COL28A1: variants seen among roughly 807,000 people sequenced by gnomAD.
COL28A1 encodes collagen type XXVIII alpha 1 chain, also known as collagen alpha-1(XXVIII) chain.
In COL28A1, 161 loss-of-function variants were observed where a neutral mutation model predicts 150.2. That is an observed-to-expected ratio of 1.07 (90% CI 0.94 to 1.22). COL28A1 has a LOEUF of 1.22. COL28A1 is among the 50% of genes most tolerant of loss of function. The pLI is 0.00. For synonymous variants in COL28A1, 552 were observed against 469.7 expected (o/e 1.18, Z -2.26); for missense variants, 1,617 against 1,388.3 (o/e 1.16, Z -2.62).
intron 18 of COL28A1, among the ~76,000 whole-genome samples, chr7:7,444,822 G>A (rs2128323653): frequency 6.6e-6 from 1 of 152,244 alleles, no homozygotes; most frequent in South Asian, 2.1e-4. Flanking sequence ...CAGTATAAAA[G>A]GTGATATAAT....
At chr7:7,523,681 C>G (rs188899192) in intron 4 of COL28A1, among the ~76,000 whole-genome samples, 1 of 152,292 alleles carries the variant, frequency 6.6e-6, no homozygotes, top group East Asian at 1.9e-4. Context: ...CCTCAGCAAG[C>G]TGATGATTAT....
intron 25 of COL28A1, chr7:7,431,216 C>A: frequency 6.3e-6 from 1 of 157,644 alleles, no homozygotes. Flanking sequence ...AAAAATTCTC[C>A]CTTTAGGGTA....
At position 7,360,401 on chromosome 7, in the gene COL28A1, T is replaced by C; in HGVS notation, c.3194A>G (p.Asp1065Gly). The C allele has an allele frequency of 6.3e-7, 1 of 1,582,906 alleles. No homozygotes were observed. Among genetic ancestry groups the C allele is most frequent in the Non-Finnish European group, 8.5e-7 (1 of 1,170,340 alleles). ...TPRPLLSTPV[D>G]GAEDPRCLEA... ...TCTGGTTTACCTACCCTCTGCCCCA[T>C]CCACAGGGGTGCTGAGCAGTGGCCT... Residue 1065 changes from aspartate to glycine, a missense_variant, in exon 34 of 35, where the codon GAT becomes GGT. By Grantham distance (94) the Asp-to-Gly change is moderately conservative. Coordinates refer to ENST00000399429, the MANE Select transcript of COL28A1 (RefSeq NM_001037763.3).
chr7:7,439,561 G>C (rs1785602472), intron 21 of COL28A1, among the ~76,000 whole-genome samples: 1 of 152,148 alleles, frequency 6.6e-6, no homozygotes, highest in Non-Finnish European at 1.5e-5. Flanking sequence ...CCTGTATTAA[G>C]GGGTGATTAT....
chr7:7,514,029 C>G (rs931398710), intron 8 of COL28A1, among the ~76,000 whole-genome samples: 3 of 152,190 alleles, frequency 2.0e-5, no homozygotes, highest in African/African-American at 7.2e-5. Flanking sequence ...TTCAGGGTCA[C>G]TTTGCTCTGA....
In COL28A1 at chr7:7,444,435, C is replaced by T. The variant is rs1330175154; in HGVS notation, c.1564G>A (p.Gly522Arg). The part of the protein sequence containing the change: ...PGQPGVPGED[G>R]AAGKKGEAGL... ...GGTGTTACCTTCTTCCCTGCAGCTC[C>T]ATCTTCTCCTGGTACTCCTGGTTGT... The change falls in exon 19 of 35, where the codon GGA (glycine) becomes AGA (arginine). Residue 522 changes from glycine (G) to arginine (R), a missense_variant. Physicochemically the swap from Gly to Arg is moderately radical, Grantham distance 125. Transcript: ENST00000399429. 2 of 1,613,878 alleles carry T rather than the reference C, an allele frequency of 1.2e-6. No individual in the cohort carries two copies. Among genetic ancestry groups the T allele is most frequent in the African/African-American group, 1.3e-5 (1 of 74,896 alleles).
At chr7:7,388,084 G>A (rs1316761845) in intron 27 of COL28A1, among the ~76,000 whole-genome samples, 1 of 151,908 alleles carries the variant, frequency 6.6e-6, no homozygotes, top group African/African-American at 2.4e-5. Flanking sequence ...ACATAGGTAT[G>A]CATGTGTCAC....
chr7:7,532,937 A>G, intron 1 of COL28A1, 25 bp from the exon 2 acceptor site: 2 of 1,483,370 alleles, frequency 1.3e-6, no homozygotes, highest in South Asian at 2.9e-5. Context: ...TCAGTTACAA[A>G]TACTTTAATA....
At chr7:7,509,524 C>T (rs1345334717) in intron 9 of COL28A1, among the ~76,000 whole-genome samples, 3 of 152,154 alleles carry the variant, frequency 2.0e-5, no homozygotes, top group Non-Finnish European at 4.4e-5. Flanking sequence ...CTCTTCGTGT[C>T]AAGGACTCTA....
chr7:7,374,889 C>G (rs1030186297), intron 31 of COL28A1, among the ~76,000 whole-genome samples: 1 of 152,196 alleles, frequency 6.6e-6, no homozygotes, highest in Non-Finnish European at 1.5e-5. Context: ...TTCCATTAGT[C>G]TCTTGTCTTT....
intron 27 of COL28A1, among the ~76,000 whole-genome samples, chr7:7,387,769 G>A (rs1258148241): frequency 4.6e-5 from 7 of 152,094 alleles, no homozygotes; most frequent in Non-Finnish European, 8.8e-5. Flanking sequence ...ATGAATAAAC[G>A]TACCAAGTGG....
intron 15 of COL28A1, among the ~76,000 whole-genome samples, chr7:7,473,903 AGTGT>A (rs771312473): frequency 2.1e-4 from 31 of 150,144 alleles, no homozygotes; most frequent in East Asian, 1.2e-3. Context: ...TTACATATAT[AGTGT>A]GTGTGTTTGT....
chr7:7,398,932 G>A (rs935205170), intron 27 of COL28A1, among the ~76,000 whole-genome samples: 1 of 152,106 alleles, frequency 6.6e-6, no homozygotes, highest in Non-Finnish European at 1.5e-5. Flanking sequence ...TATCCTCGAG[G>A]TAGGTTTCTG....
the COL28A1 span, among the ~76,000 whole-genome samples, chr7:7,348,132 G>C: frequency 1.3e-5 from 2 of 152,032 alleles, no homozygotes; most frequent in African/African-American, 4.8e-5. Flanking sequence ...GGGGGAGGAT[G>C]ATAACAGCTG....
intron 25 of COL28A1, among the ~76,000 whole-genome samples, chr7:7,420,671 G>A (rs767395534): frequency 3.9e-5 from 6 of 152,126 alleles, no homozygotes; most frequent in African/African-American, 1.2e-4. Context: ...TCTGAACCTC[G>A]GTAAATTCAT....
chr7:7,439,141 CA>C (rs1404148608), intron 21 of COL28A1, among the ~76,000 whole-genome samples: 1 of 152,228 alleles, frequency 6.6e-6, no homozygotes, highest in African/African-American at 2.4e-5. Flanking sequence ...CTTCCTCCAG[CA>C]GGGACTCCAT....
chr7:7,520,423 G>A (rs1781654915), intron 5 of COL28A1, among the ~76,000 whole-genome samples: 1 of 152,206 alleles, frequency 6.6e-6, no homozygotes, highest in Admixed American at 6.5e-5. Context: ...AGATTTAAAA[G>A]AGTAGCTGCA....
intron 15 of COL28A1, among the ~76,000 whole-genome samples, chr7:7,465,529 G>T (rs1788015359): frequency 5.8e-5 from 8 of 138,234 alleles, no homozygotes; most frequent in African/African-American, 2.2e-4. Context: ...GGCTGGGGGA[G>T]GGGCGCCCGC....
the COL28A1 span, among the ~76,000 whole-genome samples, chr7:7,345,736 T>A: frequency 6.6e-6 from 1 of 152,224 alleles, no homozygotes; most frequent in Non-Finnish European, 1.5e-5. Flanking sequence ...GTCCCCTGGA[T>A]GTAATGTGTC....
Sources: allele counts gnomAD v4.1 joint callset (sites outside exome capture counted in the v4.1 genomes callset), GRCh38; gene constraint gnomAD v4.1.1; transcripts MANE v1.5; gene names NCBI Gene and HGNC (gene_info 2026-07-23, HGNC 2026-07-21).